The following XKR4 variants were observed in gnomAD, a reference collection of about 807,000 sequenced individuals.
XKR4 encodes XK-related protein 4.
In XKR4, 12 loss-of-function variants were observed where a neutral mutation model predicts 53.9. The observed-to-expected ratio is 0.22, with a 90% CI of 0.14 to 0.36. XKR4 has a LOEUF of 0.36. Ranked by LOEUF, XKR4 falls within the 10% of genes least tolerant of loss-of-function variation. The pLI is 1.00. For missense variants in XKR4, 799 were observed against 859.5 expected (o/e 0.93, Z 0.88); for synonymous variants, 354 against 362.4 (o/e 0.98, Z 0.26).
chr8:55,465,207 A>G lies in XKR4; in HGVS notation c.1007-58074A>G, dbSNP rs1313866440. Reference sequence around the variant, plus strand: ...AATCCTAAGCCAAAAGAACAAAGCTAGAGGCATCATGCTACCTGACTTCAA... The same window carrying G: ...AATCCTAAGCCAAAAGAACAAAGCTGGAGGCATCATGCTACCTGACTTCAA... On this transcript the variant is annotated intron_variant, in intron 2 of 2. Transcript: ENST00000327381. 1.2e-4 allele frequency among the ~76,000 whole-genome samples: 19 copies of G among 152,216 alleles called. No individual in the cohort carries two copies. In the South Asian group the frequency reaches 1.5e-3, roughly 12 times the overall value.
chr8:55,128,978 A>G (rs1816515912), intron 1 of XKR4, among the ~76,000 whole-genome samples: 1 of 152,228 alleles, frequency 6.6e-6, no homozygotes, highest in Admixed American at 6.5e-5. Flanking sequence ...CAATGGTGAT[A>G]GGCTCTCAAT....
chr8:55,383,912 C>T (rs76321481), intron 2 of XKR4, among the ~76,000 whole-genome samples: 2,337 of 152,162 alleles, frequency 0.015, 53 homozygotes, highest in African/African-American at 0.053. Flanking sequence ...CTACACAATA[C>T]GGCAAATCAT....
chr8:55,202,596 C>T (rs1200408106), intron 1 of XKR4, among the ~76,000 whole-genome samples: 2 of 152,292 alleles, frequency 1.3e-5, no homozygotes, highest in East Asian at 3.9e-4. Context: ...GAAATGATGA[C>T]CAGCACTTAC....
chr8:55,119,916 G>A (rs1361355989), intron 1 of XKR4, among the ~76,000 whole-genome samples: 3 of 152,178 alleles, frequency 2.0e-5, no homozygotes, highest in Admixed American at 6.5e-5. Flanking sequence ...AGAGTTGGGA[G>A]CATGTTAAAT....
At chr8:55,332,970 G>T (rs1198381787) in intron 1 of XKR4, among the ~76,000 whole-genome samples, 1 of 150,086 alleles carries the variant, frequency 6.7e-6, no homozygotes, top group East Asian at 2.0e-4. Context: ...CTGAATTCAA[G>T]TTTGCTGATT....
chr8:55,361,355 C>T (rs557739965), intron 2 of XKR4, among the ~76,000 whole-genome samples: 6 of 152,072 alleles, frequency 3.9e-5, no homozygotes, highest in African/African-American at 9.7e-5. Context: ...CCCACTCGAC[C>T]GCGGAGATGG....
chr8:55,447,718 G>A (rs1044628423), intron 2 of XKR4, among the ~76,000 whole-genome samples: 13 of 152,188 alleles, frequency 8.5e-5, no homozygotes, highest in Admixed American at 2.0e-4. Flanking sequence ...ATAAAATTCA[G>A]GCAAGACATT....
chr8:55,404,858 G>A (rs765808678), intron 2 of XKR4, among the ~76,000 whole-genome samples: 1 of 152,160 alleles, frequency 6.6e-6, no homozygotes, highest in Non-Finnish European at 1.5e-5. Context: ...GGTACAAAGT[G>A]TGTTTGGATT....
chr8:55,460,153 A>C (rs1261356767), intron 2 of XKR4, among the ~76,000 whole-genome samples: 3 of 152,224 alleles, frequency 2.0e-5, no homozygotes, highest in African/African-American at 7.2e-5. Flanking sequence ...AAAATCTGGC[A>C]AATAAAGGAA....
intron 1 of XKR4, among the ~76,000 whole-genome samples, chr8:55,112,273 TA>T (rs1172374257): frequency 2.0e-5 from 3 of 152,190 alleles, no homozygotes; most frequent in African/African-American, 4.8e-5. Context: ...AATCCTTTTA[TA>T]TAAACAGAGC....
intron 1 of XKR4, among the ~76,000 whole-genome samples, chr8:55,342,508 C>T (rs1563328522): frequency 6.6e-6 from 1 of 152,134 alleles, no homozygotes; most frequent in Non-Finnish European, 1.5e-5. Flanking sequence ...CAGTGCCCAC[C>T]ATGCCCTATG....
intron 1 of XKR4, among the ~76,000 whole-genome samples, chr8:55,113,522 G>T (rs1319638703): frequency 2.0e-5 from 3 of 152,150 alleles, no homozygotes; most frequent in Non-Finnish European, 4.4e-5. Flanking sequence ...GGCAAAGAAA[G>T]AAAAACTTGA....
chr8:55,352,250 G>A (rs1023759302), intron 1 of XKR4, among the ~76,000 whole-genome samples: 7 of 152,240 alleles, frequency 4.6e-5, no homozygotes, highest in African/African-American at 1.7e-4. Context: ...AGAGATTCCA[G>A]CGTGATAAGG....
chr8:55,227,250 A>G (rs1229339374), intron 1 of XKR4, among the ~76,000 whole-genome samples: 4 of 152,222 alleles, frequency 2.6e-5, no homozygotes, highest in African/African-American at 9.7e-5. Flanking sequence ...TAGCTGAAAG[A>G]TGTGATGATC....
chr8:55,184,345 G>T (rs1486183381), intron 1 of XKR4, among the ~76,000 whole-genome samples: 1 of 152,088 alleles, frequency 6.6e-6, no homozygotes, highest in Non-Finnish European at 1.5e-5. Context: ...TCTCTAAGCT[G>T]AAACTAGATG....
intron 2 of XKR4, chr8:55,451,112 G>A (rs1805434713): frequency 3.9e-6 from 2 of 518,086 alleles, no homozygotes; most frequent in Non-Finnish European, 6.9e-6. Flanking sequence ...CTTTGTCCCC[G>A]AGGATGTAGA....
intron 2 of XKR4, among the ~76,000 whole-genome samples, chr8:55,519,332 A>G (rs1282728024): frequency 6.6e-6 from 1 of 152,152 alleles, no homozygotes; most frequent in African/African-American, 2.4e-5. Flanking sequence ...GACCCATTAT[A>G]TATTTTTTCC....
At chr8:55,109,871 G>A (rs149648344) in intron 1 of XKR4, among the ~76,000 whole-genome samples, 21 of 152,258 alleles carry the variant, frequency 1.4e-4, no homozygotes, top group African/African-American at 4.8e-4. Flanking sequence ...CTTCATGATT[G>A]AGTATCCAAG....
intron 1 of XKR4, among the ~76,000 whole-genome samples, chr8:55,131,036 G>A: frequency 6.6e-6 from 1 of 152,078 alleles, no homozygotes; most frequent in Middle Eastern, 3.4e-3. Context: ...GTGCACGCCG[G>A]TAATCCCAGC....
Sources: allele counts gnomAD v4.1 joint callset (sites outside exome capture counted in the v4.1 genomes callset), GRCh38; gene constraint gnomAD v4.1.1; transcripts MANE v1.5; gene names NCBI Gene and HGNC (gene_info 2026-07-23, HGNC 2026-07-21).